The following FOXO3 variants were observed in gnomAD, a reference collection of about 807,000 sequenced individuals.
FOXO3 encodes forkhead box protein O3.
FOXO3 carries 4 observed loss-of-function variants against 41.9 expected under a neutral mutation model. The ratio of observed to expected loss-of-function variants is 0.10; its 90% CI spans 0.05 to 0.22. The LOEUF (loss-of-function observed/expected upper bound fraction) is 0.22. Ranked by LOEUF, FOXO3 falls within the 10% of genes least tolerant of loss-of-function variation. FOXO3 has a pLI of 1.00. For missense variants in FOXO3, 534 were observed against 906.8 expected, an observed-to-expected ratio of 0.59 and a Z score of 5.28; for synonymous variants, 318 against 389.3, an observed-to-expected ratio of 0.82 and a Z score of 2.16.
At position 108,666,736 on chromosome 6, in the gene FOXO3, C is replaced by T. The variant is rs112576683; in HGVS notation, c.*34+1847C>T. Among the ~76,000 whole-genome samples the T allele has an allele frequency of 2.7e-3, 409 of 151,486 alleles. 2 individuals are homozygous for T. Among genetic ancestry groups the T allele is most frequent in the African/African-American group, 9.4e-3 (385 of 40,880 alleles). On this transcript the variant is annotated intron_variant, in intron 2 of 2. Coordinates refer to ENST00000406360, the MANE Select transcript of FOXO3 (RefSeq NM_001455.4). ...AAAAAGCGGGGAGGGGAGGGAAGTG[C>T]CCTGAACTGGAGTCAAAGTAGCAGA...
chr6:108,684,226 T>G lies in FOXO3; in HGVS notation c.*4434T>G, dbSNP rs1303405151. ...CTTGTATACTTGTCCTAGCACATTA[T>G]GTACATGGGAAATGTAAACAAATGT... On this transcript the variant is annotated 3_prime_UTR_variant, in exon 3 of 3. Transcript: ENST00000406360. The G allele has an allele frequency of 2.6e-5, 4 of 152,602 alleles. No homozygotes were observed. The East Asian group carries it at 7.7e-4, about 29-fold the overall frequency. 9.5% of individuals were successfully genotyped at this position (152,602 alleles called of 1,614,324 possible).
chr6:108,580,998 A>G (rs1021492930), intron 1 of FOXO3, among the ~76,000 whole-genome samples: 1 of 152,226 alleles, frequency 6.6e-6, no homozygotes, highest in Non-Finnish European at 1.5e-5. Flanking sequence ...AATGAGACAC[A>G]TAGATGAGTT....
At chr6:108,643,641 C>A (rs1172125080) in intron 1 of FOXO3, among the ~76,000 whole-genome samples, 1 of 152,116 alleles carries the variant, frequency 6.6e-6, no homozygotes, top group African/African-American at 2.4e-5. Flanking sequence ...TCAACTTTTC[C>A]TTTTTGACCA....
chr6:108,577,202 TA>T (rs56992760), intron 1 of FOXO3, among the ~76,000 whole-genome samples: 52 of 150,858 alleles, frequency 3.4e-4, no homozygotes, highest in African/African-American at 1.1e-3. Context: ...GTAACTCTTC[TA>T]AAAAAAAATA....
Position 108,578,869 on chromosome 6 carries a change from G to A in FOXO3, c.621+17040G>A, listed in dbSNP as rs150941593. On this transcript the variant is annotated intron_variant, in intron 1 of 2. Coordinates refer to ENST00000406360, the MANE Select transcript of FOXO3 (RefSeq NM_001455.4). Reference sequence around the variant, plus strand: ...AGAGGTAAGGCGGGACATTCACCTCGGCTCAGGATCCTAAAAGGCGCACGA... The same window carrying A: ...AGAGGTAAGGCGGGACATTCACCTCAGCTCAGGATCCTAAAAGGCGCACGA... Among the ~76,000 whole-genome samples the A allele has an allele frequency of 9.9e-4, 151 of 152,236 alleles. 1 individual carries two copies. In the Middle Eastern group the frequency reaches 0.01, roughly 10 times the overall value.
chr6:108,581,514 C>T (rs1431342110), intron 1 of FOXO3, among the ~76,000 whole-genome samples: 2 of 152,050 alleles, frequency 1.3e-5, no homozygotes, highest in Non-Finnish European at 2.9e-5. Context: ...CATTAATGAG[C>T]CTGCTTTATA....
rs143716012 is a variant in FOXO3, at chr6:108,624,726, T to G, written c.622-38729T>G. Among the ~76,000 whole-genome samples, 1,324 of 152,306 alleles carry G rather than the reference T, an allele frequency of 8.7e-3. 10 individuals carry two copies. Among genetic ancestry groups the G allele is most frequent in the Middle Eastern group, 0.02 (6 of 294 alleles). On this transcript the variant is annotated intron_variant, in intron 1 of 2. Transcript: ENST00000406360. Reference sequence around the variant, plus strand: ...AAGTGGAGGTCAGATGAATTACAAGTGCATTCTTAACTGAGTGGAAATGGG... The same window carrying G: ...AAGTGGAGGTCAGATGAATTACAAGGGCATTCTTAACTGAGTGGAAATGGG...
intron 1 of FOXO3, among the ~76,000 whole-genome samples, chr6:108,602,724 A>G (rs1335855971): frequency 6.6e-6 from 1 of 152,142 alleles, no homozygotes; most frequent in Non-Finnish European, 1.5e-5. Flanking sequence ...AACTTTTTAT[A>G]AAGGCCGATT....
chr6:108,643,005 T>C (rs1582808181), intron 1 of FOXO3, among the ~76,000 whole-genome samples: 1 of 152,230 alleles, frequency 6.6e-6, no homozygotes, highest in South Asian at 2.1e-4. Flanking sequence ...CAGAACATAA[T>C]GTGTATTTCA....
chr6:108,657,957 A>G (rs1257103054), intron 1 of FOXO3, among the ~76,000 whole-genome samples: 4 of 152,208 alleles, frequency 2.6e-5, no homozygotes, highest in African/African-American at 9.7e-5. Context: ...AACCAAACAC[A>G]GCATTCCCAG....
chr6:108,670,077 G>A (rs1779173327), intron 2 of FOXO3, among the ~76,000 whole-genome samples: 1 of 152,156 alleles, frequency 6.6e-6, no homozygotes, highest in Non-Finnish European at 1.5e-5. Context: ...TTTCTATATG[G>A]AGATGGGAGA....
rs980052155 is a variant in FOXO3, at chr6:108,663,318, G to C, written c.622-137G>C. 11 of 1,343,578 alleles carry C rather than the reference G, an allele frequency of 8.2e-6. No individual in the cohort carries two copies. In the East Asian group the frequency reaches 1.3e-4, roughly 16 times the overall value. 83.2% of individuals were successfully genotyped at this position (1,343,578 alleles called of 1,614,324 possible). On this transcript the variant is annotated intron_variant, in intron 1 of 2. Coordinates refer to ENST00000406360, the MANE Select transcript of FOXO3 (RefSeq NM_001455.4). ...GTTGAGGCTGCACCACTGCATTCCA[G>C]CATGGGCAGCAGAGTGAGACCTTGT...
At chr6:108,654,765 G>T (rs1374599269) in intron 1 of FOXO3, among the ~76,000 whole-genome samples, 1 of 150,070 alleles carries the variant, frequency 6.7e-6, no homozygotes, top group Non-Finnish European at 1.5e-5. Flanking sequence ...GTCCCTTAAT[G>T]GTTTAAACTT....
chr6:108,644,402 C>T (rs1778339840), intron 1 of FOXO3, among the ~76,000 whole-genome samples: 1 of 152,186 alleles, frequency 6.6e-6, no homozygotes, highest in South Asian at 2.1e-4. Flanking sequence ...GCTTCTGTCC[C>T]TACCACTCCT....
At chr6:108,611,638 T>C (rs578262683) in intron 1 of FOXO3, among the ~76,000 whole-genome samples, 12 of 152,300 alleles carry the variant, frequency 7.9e-5, no homozygotes, top group Non-Finnish European at 1.5e-4. Flanking sequence ...CATCTTTTCA[T>C]GTGCTTATTT....
intron 1 of FOXO3, among the ~76,000 whole-genome samples, chr6:108,618,701 T>C (rs1157996323): frequency 6.6e-6 from 1 of 152,240 alleles, no homozygotes; most frequent in Non-Finnish European, 1.5e-5. Flanking sequence ...ATGTGAACTG[T>C]AGGACTTCTT....
At position 108,631,475 on chromosome 6, in the gene FOXO3, T is replaced by C. The variant is rs78438571; in HGVS notation, c.622-31980T>C. Among the ~76,000 whole-genome samples the C allele has an allele frequency of 8.9e-3, 1,349 of 152,316 alleles. 18 individuals are homozygous for C. Among genetic ancestry groups the C allele is most frequent in the African/African-American group, 0.031 (1,280 of 41,564 alleles). ...TGCAATTCTGCATATGGCTTTATTT[T>C]CTAGGAGGTGGAGGGAGGAAAAGAG... On this transcript the variant is annotated intron_variant, in intron 1 of 2. Transcript: ENST00000406360.
intron 1 of FOXO3, among the ~76,000 whole-genome samples, chr6:108,573,196 A>G (rs1291845613): frequency 6.6e-6 from 1 of 152,146 alleles, no homozygotes; most frequent in Non-Finnish European, 1.5e-5. Context: ...CTGAGGCAGT[A>G]GAATGGCGTG....
chr6:108,662,992 T>C (rs1261028772), intron 1 of FOXO3, among the ~76,000 whole-genome samples: 1 of 152,224 alleles, frequency 6.6e-6, no homozygotes, highest in Admixed American at 6.5e-5. Context: ...TAACATGTCA[T>C]TTTATTCTCA....
Sources: gnomAD v4.1 joint callset for allele counts (sites outside exome capture counted in the v4.1 genomes callset) on GRCh38, gnomAD v4.1.1 for gene constraint, MANE v1.5 for transcripts, NCBI Gene and HGNC (gene_info 2026-07-23, HGNC 2026-07-21) for gene names.